Variants in SUGP1 observed in about 807,000 individuals in gnomAD.
The protein encoded by SUGP1 is SURP and G-patch domain-containing protein 1.
Under a neutral mutation model 76.5 loss-of-function variants are expected in SUGP1, and 34 were observed. That is an observed-to-expected ratio of 0.44 (90% CI 0.34 to 0.59). SUGP1 has a LOEUF of 0.59. Among genes scored for constraint, SUGP1 ranks in the 20% least tolerant of loss-of-function variants. SUGP1 has a pLI of 0.01. For missense variants in SUGP1, 752 were observed against 851.7 expected (o/e 0.88, Z 1.46); for synonymous variants, 326 against 326.2 (o/e 1.00, Z 0.01).
intron 6 of SUGP1, among the ~76,000 whole-genome samples, chr19:19,302,856 T>C (rs371925791): frequency 1.3e-5 from 2 of 152,266 alleles, no homozygotes; most frequent in African/African-American, 4.8e-5. Flanking sequence ...TTTTATGTCA[T>C]TGCAGTCAAA....
chr19:19,305,697 T>G (rs899587138), intron 4 of SUGP1, 152 bp downstream of exon 4: 1 of 717,394 alleles, frequency 1.4e-6, no homozygotes, highest in African/African-American at 1.8e-5. Context: ...TCTCCTCACC[T>G]CAGAGGGCCT....
intron 8 of SUGP1, among the ~76,000 whole-genome samples, chr19:19,293,321 C>T (rs151104022): frequency 0.033 from 5,051 of 151,992 alleles, 299 homozygotes; most frequent in African/African-American, 0.12. Context: ...TGGTGGCTCA[C>T]GCCTGTAATC....
At chr19:19,306,206 A>T (rs1054212753) in intron 3 of SUGP1, 130 bp from the exon 4 acceptor site, 1 of 835,902 alleles carries the variant, frequency 1.2e-6, no homozygotes, top group African/African-American at 1.7e-5. Context: ...GGCTCAGAGG[A>T]GGCCACCCTG....
intron 5 of SUGP1, 63 bp downstream of exon 5, chr19:19,303,661 C>A (rs2061290721): frequency 1.3e-6 from 2 of 1,593,486 alleles, no homozygotes; most frequent in Non-Finnish European, 1.7e-6. Flanking sequence ...CCCAGCCCCA[C>A]ACGTGCGACT....
At chr19:19,305,399 C>A (rs2061308560) in intron 4 of SUGP1, among the ~76,000 whole-genome samples, 1 of 152,178 alleles carries the variant, frequency 6.6e-6, no homozygotes, top group Non-Finnish European at 1.5e-5. Context: ...TAGAAGAGAG[C>A]ACCCTCCAAC....
intron 8 of SUGP1, among the ~76,000 whole-genome samples, chr19:19,283,167 C>T (rs959838163): frequency 3.9e-5 from 6 of 152,028 alleles, no homozygotes; most frequent in African/African-American, 1.5e-4. Context: ...AAAACATATA[C>T]ACATTGCAGA....
intron 8 of SUGP1, among the ~76,000 whole-genome samples, chr19:19,282,118 T>C (rs2061103425): frequency 6.6e-6 from 1 of 152,170 alleles, no homozygotes; most frequent in African/African-American, 2.4e-5. Context: ...TAGCTGGGAC[T>C]ACAGGCACGT....
chr19:19,295,279 C>T (rs2061216334), intron 8 of SUGP1, among the ~76,000 whole-genome samples: 1 of 151,730 alleles, frequency 6.6e-6, no homozygotes, highest in Non-Finnish European at 1.5e-5. Context: ...GTCCCAGATA[C>T]TCAGGAGGCT....
chr19:19,315,029 G>GAA, intron 2 of SUGP1, among the ~76,000 whole-genome samples: 1 of 152,166 alleles, frequency 6.6e-6, no homozygotes, highest in South Asian at 2.1e-4. Context: ...AAAAGAAAAA[G>GAA]AAAGAAGAAA....
intron 2 of SUGP1, 194 bp downstream of exon 2, chr19:19,316,228 C>A: frequency 1.5e-6 from 1 of 666,024 alleles, no homozygotes; most frequent in Non-Finnish European, 2.5e-6. Flanking sequence ...GGCAGGCTGT[C>A]CTCTGGGCTT....
intron 1 of SUGP1, among the ~76,000 whole-genome samples, chr19:19,317,603 C>T (rs1003825908): frequency 2.6e-5 from 4 of 152,084 alleles, no homozygotes; most frequent in Admixed American, 6.6e-5. Context: ...CTGCAGCCTC[C>T]GCCTCCCCGG....
chr19:19,288,654 C>G (rs542402010), intron 8 of SUGP1, among the ~76,000 whole-genome samples: 69 of 151,978 alleles, frequency 4.5e-4, no homozygotes, highest in African/African-American at 1.6e-3. Flanking sequence ...TACTTGGGAG[C>G]CTAAGGTGGA....
intron 8 of SUGP1, among the ~76,000 whole-genome samples, chr19:19,295,704 CTG>C (rs2061220088): frequency 6.6e-6 from 1 of 150,954 alleles, no homozygotes; most frequent in Non-Finnish European, 1.5e-5. Flanking sequence ...GAGCGAAACT[CTG>C]TCTCAAAACA....
chr19:19,315,394 C>T (rs1391129056), intron 2 of SUGP1, among the ~76,000 whole-genome samples: 2 of 152,050 alleles, frequency 1.3e-5, no homozygotes, highest in Admixed American at 6.6e-5. Flanking sequence ...ACACTCTACA[C>T]TCCAGACCCC....
In SUGP1 at chr19:19,279,333, GCTGCATGTC is replaced by G; in HGVS notation, c.1399_1407del (p.Asp467_Gln469del). On this transcript the variant is annotated inframe_deletion, in exon 10 of 14. Coordinates refer to ENST00000247001, the MANE Select transcript of SUGP1 (RefSeq NM_172231.4). ...TGTTGGACTGCCTTCTCCCACAGCAGCTGCATGTCCTGCATGGCCCGCTTGTGCTGCATG... is the reference window on the plus strand; with the variant it reads ...TGTTGGACTGCCTTCTCCCACAGCAGCTGCATGGCCCGCTTGTGCTGCATG... 6.2e-7 allele frequency: 1 copy of G among 1,610,886 alleles called. No individual in the cohort carries two copies. Among genetic ancestry groups the G allele is most frequent in the Non-Finnish European group, 8.5e-7 (1 of 1,179,816 alleles).
At chr19:19,316,814 A>G (rs8108647) in intron 1 of SUGP1, among the ~76,000 whole-genome samples, 30,852 of 152,090 alleles carry the variant, frequency 0.2, 3,448 homozygotes, top group South Asian at 0.38. Flanking sequence ...GACTCGCTTC[A>G]GGCTGGGAAG....
chr19:19,285,017 G>A (rs943076336), intron 8 of SUGP1, among the ~76,000 whole-genome samples: 1 of 151,308 alleles, frequency 6.6e-6, no homozygotes, highest in Admixed American at 6.6e-5. Flanking sequence ...ACAGGCGCCC[G>A]CCACCGTGCC....
rs757124605 is a variant in SUGP1 at position 19,296,970 on chromosome 19, G to C, written c.1243+19C>G. On this transcript the variant is annotated intron_variant, in intron 8 of 13. Coordinates refer to ENST00000247001, the MANE Select transcript of SUGP1 (RefSeq NM_172231.4). ...AGTCAGACCCTTCCAACACAGGGAG[G>C]GGGAGAGGGTCTGCCCACCTGACAG... is the stretch of plus-strand genomic sequence containing the variant. The C allele has an allele frequency of 2.8e-5, 43 of 1,544,768 alleles. No homozygotes were observed. The highest frequency in any genetic ancestry group is 7.5e-5 in the Admixed American group (4 of 53,354).
Position 19,316,553 on chromosome 19 carries a change from A to G in SUGP1, c.75T>C (p.Ser25=), listed in dbSNP as rs1448517484. The G allele has an allele frequency of 2.5e-6, 4 of 1,613,932 alleles. No homozygotes were observed. Among genetic ancestry groups the G allele is most frequent in the Non-Finnish European group, 3.4e-6 (4 of 1,180,000 alleles). Residue 25 remains serine, a synonymous_variant, in exon 2 of 14, where the codon TCT becomes TCC. Coordinates refer to ENST00000247001, the MANE Select transcript of SUGP1 (RefSeq NM_172231.4). ...GAAGGATGTTCATGTTCATTTTTCCAGATTTAGGGGGAGCAACCCCAAACC... is the reference window on the plus strand; with the variant it reads ...GAAGGATGTTCATGTTCATTTTTCCGGATTTAGGGGGAGCAACCCCAAACC... ...NRWFGVAPPK[S]GKMNMNILHQ... is the part of the protein sequence containing the mutation.
Sources: gnomAD v4.1 joint callset for allele counts (sites outside exome capture counted in the v4.1 genomes callset) on GRCh38, gnomAD v4.1.1 for gene constraint, MANE v1.5 for transcripts, NCBI Gene and HGNC (gene_info 2026-07-23, HGNC 2026-07-21) for gene names.